TMPRSS11E: variants seen among roughly 807,000 people sequenced by gnomAD.
TMPRSS11E encodes transmembrane protease serine 11E.
Under a neutral mutation model 48.1 loss-of-function variants are expected in TMPRSS11E, and 38 were observed. The ratio of observed to expected loss-of-function variants is 0.79; its 90% CI spans 0.61 to 1.04. The LOEUF is 1.04. Ranked by LOEUF, TMPRSS11E falls within the 50% of genes least tolerant of loss-of-function variation. TMPRSS11E has a pLI of 0.00. For missense variants in TMPRSS11E, 530 were observed against 510.8 expected (o/e 1.04, Z -0.36); for synonymous variants, 158 against 171.9 (o/e 0.92, Z 0.63).
intron 9 of TMPRSS11E, among the ~76,000 whole-genome samples, chr4:68,489,878 T>G (rs1729667489): frequency 6.6e-6 from 1 of 152,120 alleles, no homozygotes; most frequent in Admixed American, 6.5e-5. Flanking sequence ...CACCTAGAGA[T>G]GTATGATATT....
At chr4:68,462,558 G>A (rs1024155345) in intron 2 of TMPRSS11E, among the ~76,000 whole-genome samples, 2 of 150,558 alleles carry the variant, frequency 1.3e-5, no homozygotes, top group African/African-American at 4.9e-5. Flanking sequence ...ACTCCAGTCT[G>A]GGCAAGAGAG....
chr4:68,458,162 A>G (rs1467614575), intron 1 of TMPRSS11E, among the ~76,000 whole-genome samples: 2 of 152,150 alleles, frequency 1.3e-5, no homozygotes, highest in Non-Finnish European at 2.9e-5. Flanking sequence ...TCTTTGAAAC[A>G]CTGAGCCTTG....
chr4:68,471,025 A>G (rs1729049244), intron 4 of TMPRSS11E, among the ~76,000 whole-genome samples: 1 of 151,872 alleles, frequency 6.6e-6, no homozygotes, highest in African/African-American at 2.4e-5. Flanking sequence ...TTTTATATTA[A>G]TAGCCATATA....
intron 1 of TMPRSS11E, among the ~76,000 whole-genome samples, chr4:68,455,274 G>A (rs1035344912): frequency 2.6e-5 from 4 of 151,900 alleles, no homozygotes; most frequent in African/African-American, 7.2e-5. Flanking sequence ...ATTAGGATAT[G>A]TAACTTTTTG....
intron 1 of TMPRSS11E, among the ~76,000 whole-genome samples, chr4:68,451,819 G>C (rs943589404): frequency 3.3e-5 from 5 of 151,372 alleles, no homozygotes; most frequent in African/African-American, 7.3e-5. Context: ...TTTTGCCCAG[G>C]GGTAATAATA....
intron 9 of TMPRSS11E, among the ~76,000 whole-genome samples, chr4:68,490,718 G>A (rs951309901): frequency 6.7e-6 from 1 of 149,598 alleles, no homozygotes; most frequent in African/African-American, 2.5e-5. Flanking sequence ...CCTCATTACT[G>A]GGTGGTAGTT....
intron 7 of TMPRSS11E, among the ~76,000 whole-genome samples, chr4:68,477,068 C>T (rs1395588169): frequency 1.3e-5 from 2 of 151,898 alleles, no homozygotes; most frequent in Non-Finnish European, 2.9e-5. Context: ...ATTAATTTCT[C>T]TTATTCTGTA....
At position 68,472,721 on chromosome 4, in the gene TMPRSS11E, T is replaced by C. The variant is rs143395912; in HGVS notation, c.490+1098T>C. Among the ~76,000 whole-genome samples the C allele has an allele frequency of 8.1e-3, 1,231 of 152,204 alleles. 17 individuals are homozygous for C. The highest frequency in any genetic ancestry group is 0.027 in the African/African-American group (1,105 of 41,560). On this transcript the variant is annotated intron_variant, in intron 5 of 9. Transcript: ENST00000305363. ...GGAGGCTTCAGTAGTCAGGGACAGA[T>C]ACATAATTTATGCGCCTTAGCACAA...
rs1410387694 is a variant in TMPRSS11E at position 68,496,876 on chromosome 4, C to T, written c.*72C>T. 4.8e-6 allele frequency: 7 copies of T among 1,445,586 alleles called. No homozygotes were observed. In the East Asian group the frequency reaches 6.9e-5, roughly 14 times the overall value. 89.5% of individuals were successfully genotyped at this position (1,445,586 alleles called of 1,614,324 possible). ...GGTGTGGAGGCCATTTTTAGAGATA[C>T]AGAATTGGAGAAGACTTGCAAAACA... On this transcript the variant is annotated 3_prime_UTR_variant, in exon 10 of 10. Coordinates refer to ENST00000305363, the MANE Select transcript of TMPRSS11E (RefSeq NM_014058.4).
intron 9 of TMPRSS11E, among the ~76,000 whole-genome samples, chr4:68,483,691 T>A (rs1204113579): frequency 6.6e-6 from 1 of 152,198 alleles, no homozygotes; most frequent in East Asian, 1.9e-4. Flanking sequence ...AGGGTCTTTG[T>A]TATAAAAGCT....
chr4:68,491,393 T>C lies in TMPRSS11E; in HGVS notation c.1111-5250T>C, dbSNP rs1224217184. On this transcript the variant is annotated intron_variant, in intron 9 of 9. Coordinates refer to ENST00000305363, the MANE Select transcript of TMPRSS11E (RefSeq NM_014058.4). Reference sequence around the variant, plus strand: ...CTGAGCCCACCTGTCGTCTTCTCTCTAATTTTCAGAGTCTTTTTATGTTTG... The same window carrying C: ...CTGAGCCCACCTGTCGTCTTCTCTCCAATTTTCAGAGTCTTTTTATGTTTG... Among the ~76,000 whole-genome samples the C allele has an allele frequency of 2.0e-5, 3 of 151,752 alleles. No homozygotes were observed. The East Asian group carries it at 5.8e-4, about 29-fold the overall frequency.
intron 4 of TMPRSS11E, among the ~76,000 whole-genome samples, chr4:68,470,389 C>T (rs143293928): frequency 5.3e-5 from 8 of 151,792 alleles, no homozygotes; most frequent in Admixed American, 4.0e-4. Context: ...TCGGCATTGA[C>T]AAATATTCCT....
At chr4:68,492,306 A>G (rs1252930160) in intron 9 of TMPRSS11E, among the ~76,000 whole-genome samples, 1 of 152,330 alleles carries the variant, frequency 6.6e-6, no homozygotes, top group African/African-American at 2.4e-5. Context: ...ATCAATACTC[A>G]AGGCACTTTT....
intron 1 of TMPRSS11E, among the ~76,000 whole-genome samples, chr4:68,461,108 C>G (rs1487215686): frequency 6.6e-6 from 1 of 152,078 alleles, no homozygotes; most frequent in Non-Finnish European, 1.5e-5. Flanking sequence ...GTCTTGATCT[C>G]CCGACCTCAT....
intron 4 of TMPRSS11E, 65 bp from the exon 5 acceptor site, chr4:68,471,395 T>A: frequency 5.2e-6 from 1 of 193,082 alleles, no homozygotes; most frequent in Non-Finnish European, 1.1e-5. Flanking sequence ...CCTCCCTCCC[T>A]CCCTTCCTGC....
At chr4:68,456,895 C>G (rs1728646943) in intron 1 of TMPRSS11E, among the ~76,000 whole-genome samples, 1 of 152,088 alleles carries the variant, frequency 6.6e-6, no homozygotes, top group Non-Finnish European at 1.5e-5. Flanking sequence ...ACACCTTAAA[C>G]AAAAATTAAC....
intron 9 of TMPRSS11E, among the ~76,000 whole-genome samples, chr4:68,482,695 G>T (rs998035804): frequency 2.0e-5 from 3 of 151,016 alleles, no homozygotes; most frequent in South Asian, 4.2e-4. Context: ...TTGATTGATC[G>T]TGGGAGGTTT....
At chr4:68,465,701 AAGG>A in intron 2 of TMPRSS11E, among the ~76,000 whole-genome samples, 1 of 152,218 alleles carries the variant, frequency 6.6e-6, no homozygotes, top group East Asian at 1.9e-4. Context: ...GAGGAAGAGA[AAGG>A]AGGAGAGAGA....
chr4:68,479,015 G>A, intron 9 of TMPRSS11E, 24 bp downstream of exon 9: 1 of 1,610,874 alleles, frequency 6.2e-7, no homozygotes, highest in Non-Finnish European at 8.5e-7. Flanking sequence ...CCCATTAGTA[G>A]GTTGTGTAAT....
Sources: allele counts gnomAD v4.1 joint callset (sites outside exome capture counted in the v4.1 genomes callset), GRCh38; gene constraint gnomAD v4.1.1; transcripts MANE v1.5; gene names NCBI Gene and HGNC (gene_info 2026-07-23, HGNC 2026-07-21).